NRG1: variants seen among roughly 807,000 people sequenced by gnomAD.
The protein encoded by NRG1 is pro-neuregulin-1, membrane-bound isoform.
Under a neutral mutation model 63.8 loss-of-function variants are expected in NRG1, and 18 were observed. That is an observed-to-expected ratio of 0.28 (90% CI 0.19 to 0.42). The LOEUF (loss-of-function observed/expected upper bound fraction) is 0.42, where lower values mean the gene tolerates loss of function less well. Among genes scored for constraint, NRG1 ranks in the 10% least tolerant of loss-of-function variants. NRG1 has a pLI of 1.00. For missense variants in NRG1, 762 were observed against 814.7 expected (o/e 0.94, Z 0.79); for synonymous variants, 302 against 301.3 (o/e 1.00, Z -0.02).
intron 1 of NRG1, among the ~76,000 whole-genome samples, chr8:32,164,053 C>A (rs1839143308): frequency 6.6e-6 from 1 of 152,086 alleles, no homozygotes; most frequent in African/African-American, 2.4e-5. Context: ...ACATTCGATT[C>A]ATTTCTCATT....
chr8:32,077,310 T>C (rs1005275385), intron 1 of NRG1, among the ~76,000 whole-genome samples: 1 of 152,164 alleles, frequency 6.6e-6, no homozygotes, highest in Non-Finnish European at 1.5e-5. Context: ...GAGGTTGCAG[T>C]GAGCTGAAAT....
chr8:32,750,773 C>T (rs144076869), intron 7 of NRG1, among the ~76,000 whole-genome samples: 12 of 150,544 alleles, frequency 8.0e-5, no homozygotes, highest in Non-Finnish European at 1.2e-4. Context: ...CCCAGGTGCA[C>T]GTGAATGGGC....
intron 1 of NRG1, among the ~76,000 whole-genome samples, chr8:31,933,394 C>T (rs1161670695): frequency 1.3e-5 from 2 of 152,020 alleles, no homozygotes; most frequent in Non-Finnish European, 2.9e-5. Flanking sequence ...GACTCTCCTG[C>T]CTCAGCCTCC....
chr8:32,370,609 A>G (rs922875426), intron 1 of NRG1, among the ~76,000 whole-genome samples: 1 of 152,056 alleles, frequency 6.6e-6, no homozygotes, highest in African/African-American at 2.4e-5. Flanking sequence ...TCTAATCCCA[A>G]CACTTTGGGA....
At chr8:32,467,583 G>A (rs1823229470) in intron 1 of NRG1, among the ~76,000 whole-genome samples, 1 of 152,154 alleles carries the variant, frequency 6.6e-6, no homozygotes, top group East Asian at 1.9e-4. Context: ...CATTCAAAAA[G>A]CATTCACTGA....
At chr8:31,854,943 G>A (rs1307927681) in intron 1 of NRG1, among the ~76,000 whole-genome samples, 1 of 152,136 alleles carries the variant, frequency 6.6e-6, no homozygotes, top group Non-Finnish European at 1.5e-5. Flanking sequence ...TCTTAATCCT[G>A]AGTTCTAGTT....
intron 5 of NRG1, among the ~76,000 whole-genome samples, chr8:32,693,627 C>T (rs559911914): frequency 6.6e-6 from 1 of 150,752 alleles, no homozygotes; most frequent in South Asian, 2.1e-4. Context: ...AACAGAGGCT[C>T]CTCCTTTTTA....
chr8:31,914,809 T>C (rs1456923987), intron 1 of NRG1, among the ~76,000 whole-genome samples: 1 of 152,126 alleles, frequency 6.6e-6, no homozygotes, highest in Non-Finnish European at 1.5e-5. Flanking sequence ...CTCAGAGCTT[T>C]ATTTTTTATG....
chr8:32,597,565 T>A (rs186986270), intron 2 of NRG1, among the ~76,000 whole-genome samples: 7 of 151,700 alleles, frequency 4.6e-5, no homozygotes, highest in Non-Finnish European at 8.8e-5. Context: ...ATATTACTAA[T>A]TTTTTTTACA....
At chr8:32,628,187 T>C (rs908200275) in intron 5 of NRG1, among the ~76,000 whole-genome samples, 1 of 152,220 alleles carries the variant, frequency 6.6e-6, no homozygotes, top group Non-Finnish European at 1.5e-5. Flanking sequence ...AGGAGGAACC[T>C]GCCTTGTCAA....
chr8:32,225,938 T>G (rs1846275492), intron 1 of NRG1, among the ~76,000 whole-genome samples: 1 of 152,178 alleles, frequency 6.6e-6, no homozygotes, highest in Admixed American at 6.5e-5. Context: ...CTCCTGAGTT[T>G]GTAGTTGTTC....
rs569436301 is a variant in NRG1 at position 32,062,202 on chromosome 8, C to A, written c.37+422771C>A. Among the ~76,000 whole-genome samples the A allele has an allele frequency of 3.3e-5, 5 of 152,064 alleles. No homozygotes were observed. The East Asian group carries it at 9.7e-4, about 29-fold the overall frequency. On this transcript the variant is annotated intron_variant, in intron 1 of 10. Transcript: ENST00000519301. ...ACTCATGCATCTGTCATAGAATTTGCTTGGAACGAAGTGTGCCTGTCACCC... is the reference window on the plus strand; with the variant it reads ...ACTCATGCATCTGTCATAGAATTTGATTGGAACGAAGTGTGCCTGTCACCC...
At chr8:32,259,981 T>G (rs139496308) in intron 1 of NRG1, among the ~76,000 whole-genome samples, 1 of 152,178 alleles carries the variant, frequency 6.6e-6, no homozygotes, top group Non-Finnish European at 1.5e-5. Context: ...AATCTTGAAC[T>G]TGGTAATTAA....
intron 1 of NRG1, among the ~76,000 whole-genome samples, chr8:31,703,673 C>T (rs1157492975): frequency 6.6e-6 from 1 of 152,088 alleles, no homozygotes; most frequent in Non-Finnish European, 1.5e-5. Context: ...TCTATATTCC[C>T]AGGGGAGTAC....
chr8:32,760,261 T>A, exon 11 of NRG1: 1 of 1,614,080 alleles, frequency 6.2e-7, no homozygotes, highest in Non-Finnish European at 8.5e-7. Context: ...CGTGATGTCA[T>A]CCGTAGAAAA....
At position 32,380,294 on chromosome 8, in the gene NRG1, G is replaced by A. The variant is rs144229690; in HGVS notation, c.38-215534G>A. Reference sequence around the variant, plus strand: ...TCGGTTTTCCTCTTACCATCTCCTCGTAGATTCTTCTTCTGGAATACTTTT... The same window carrying A: ...TCGGTTTTCCTCTTACCATCTCCTCATAGATTCTTCTTCTGGAATACTTTT... On this transcript the variant is annotated intron_variant, in intron 1 of 10. Transcript: ENST00000519301. 2.7e-3 allele frequency among the ~76,000 whole-genome samples: 408 copies of A among 151,926 alleles called. 1 individual carries two copies. The highest frequency in any genetic ancestry group is 9.3e-3 in the African/African-American group (387 of 41,418).
chr8:32,734,221 T>C (rs1199503074), intron 6 of NRG1, among the ~76,000 whole-genome samples: 1 of 152,212 alleles, frequency 6.6e-6, no homozygotes, highest in African/African-American at 2.4e-5. Context: ...GTTAACATTT[T>C]ATAAAATACT....
intron 1 of NRG1, among the ~76,000 whole-genome samples, chr8:31,784,671 A>T (rs931898787): frequency 1.3e-5 from 2 of 152,180 alleles, no homozygotes; most frequent in African/African-American, 4.8e-5. Flanking sequence ...GCCACACCTT[A>T]GGACTTCTCT....
chr8:32,737,380 G>A (rs969294709), intron 6 of NRG1, among the ~76,000 whole-genome samples: 3 of 151,882 alleles, frequency 2.0e-5, no homozygotes, highest in Non-Finnish European at 2.9e-5. Context: ...GCAAAACCCC[G>A]TCTCTACTGA....
Sources: gnomAD v4.1 joint callset for allele counts (sites outside exome capture counted in the v4.1 genomes callset) on GRCh38, gnomAD v4.1.1 for gene constraint, MANE v1.5 for transcripts, NCBI Gene and HGNC (gene_info 2026-07-23, HGNC 2026-07-21) for gene names.